Variants in RALYL observed in about 807,000 individuals in gnomAD.
RALYL encodes the protein RNA-binding Raly-like protein.
Under a neutral mutation model 35.1 loss-of-function variants are expected in RALYL, and 29 were observed. The observed-to-expected ratio is 0.83, with a 90% CI of 0.61 to 1.13. The LOEUF (loss-of-function observed/expected upper bound fraction) is 1.13. RALYL is among the 50% of genes most tolerant of loss of function. RALYL has a pLI of 0.00. For synonymous variants in RALYL, 120 were observed against 127.6 expected, an observed-to-expected ratio of 0.94 and a Z score of 0.40; for missense variants, 359 against 360.4, an observed-to-expected ratio of 1.00 and a Z score of 0.03.
At chr8:84,777,233 A>G (rs1037333296) in intron 3 of RALYL, among the ~76,000 whole-genome samples, 2 of 152,222 alleles carry the variant, frequency 1.3e-5, no homozygotes, top group Non-Finnish European at 2.9e-5. Context: ...CTTCACGTCT[A>G]GTATTCTCAC....
chr8:84,436,543 GTTTTTTTTTTTTTT>G (rs150233257), intron 1 of RALYL, among the ~76,000 whole-genome samples: 28 of 62,396 alleles, frequency 4.5e-4, no homozygotes, highest in Admixed American at 4.3e-3. Flanking sequence ...AATCATGGGA[GTTTTTTTTTTTTTT>G]TTTTTTTTTT....
At chr8:84,637,879 A>G (rs1825408543) in intron 2 of RALYL, among the ~76,000 whole-genome samples, 1 of 151,924 alleles carries the variant, frequency 6.6e-6, no homozygotes. Context: ...ATAAATGTGC[A>G]TGGTTTAAGG....
intron 1 of RALYL, among the ~76,000 whole-genome samples, chr8:84,485,583 C>A (rs978169333): frequency 1.3e-5 from 2 of 151,948 alleles, no homozygotes; most frequent in African/African-American, 4.8e-5. Context: ...TGCCTCAAAA[C>A]AAACAAAACA....
At chr8:84,184,704 G>T (rs1404423926) in intron 1 of RALYL, among the ~76,000 whole-genome samples, 1 of 151,968 alleles carries the variant, frequency 6.6e-6, no homozygotes, top group Non-Finnish European at 1.5e-5. Context: ...GGCGGGGCGG[G>T]TGGCGTCTGC....
At chr8:84,398,973 C>A (rs1359981930) in intron 1 of RALYL, among the ~76,000 whole-genome samples, 2 of 133,510 alleles carry the variant, frequency 1.5e-5, no homozygotes, top group East Asian at 2.2e-4. Flanking sequence ...GACTCTGTCT[C>A]AAAAAAAAAA....
At chr8:84,349,296 T>C (rs958076461) in intron 1 of RALYL, among the ~76,000 whole-genome samples, 2 of 150,490 alleles carry the variant, frequency 1.3e-5, no homozygotes, top group Non-Finnish European at 3.0e-5. Flanking sequence ...AGAAAAATGC[T>C]ATTGCACCTT....
At chr8:84,853,137 A>ATT (rs1256419894) in intron 5 of RALYL, among the ~76,000 whole-genome samples, 6 of 152,174 alleles carry the variant, frequency 3.9e-5, no homozygotes, top group African/African-American at 1.4e-4. Flanking sequence ...AGGAGCTAGG[A>ATT]ATAAATACCT....
At chr8:84,272,277 A>T (rs1410359065) in intron 1 of RALYL, among the ~76,000 whole-genome samples, 1 of 152,038 alleles carries the variant, frequency 6.6e-6, no homozygotes, top group African/African-American at 2.4e-5. Flanking sequence ...TATTTTTAGT[A>T]GAGATGGGGT....
intron 1 of RALYL, among the ~76,000 whole-genome samples, chr8:84,394,257 A>G (rs1214427495): frequency 6.6e-6 from 1 of 152,142 alleles, no homozygotes; most frequent in Non-Finnish European, 1.5e-5. Flanking sequence ...TCCATGCAAA[A>G]GGAATCAAGA....
chr8:84,569,044 T>C (rs1387965162), intron 2 of RALYL, among the ~76,000 whole-genome samples: 1 of 149,378 alleles, frequency 6.7e-6, no homozygotes, highest in African/African-American at 2.5e-5. Flanking sequence ...AGAAGCTCTT[T>C]AGTTTAATTA....
At chr8:84,478,063 G>A (rs2053622013) in intron 1 of RALYL, among the ~76,000 whole-genome samples, 1 of 151,952 alleles carries the variant, frequency 6.6e-6, no homozygotes, top group African/African-American at 2.4e-5. Context: ...TAAGACTCCT[G>A]TCTCATTTCT....
intron 1 of RALYL, among the ~76,000 whole-genome samples, chr8:84,295,700 A>G (rs1425187505): frequency 6.6e-6 from 1 of 152,106 alleles, no homozygotes; most frequent in Non-Finnish European, 1.5e-5. Flanking sequence ...CCCTTAGATA[A>G]CACTGTCCTG....
intron 2 of RALYL, among the ~76,000 whole-genome samples, chr8:84,759,556 T>C (rs1174261138): frequency 6.6e-6 from 1 of 152,160 alleles, no homozygotes. Flanking sequence ...TACCTTAAAG[T>C]AGGAGAAAGT....
intron 2 of RALYL, among the ~76,000 whole-genome samples, chr8:84,729,748 A>G (rs1383709115): frequency 2.6e-5 from 4 of 152,074 alleles, no homozygotes; most frequent in Non-Finnish European, 5.9e-5. Context: ...AGAGAATACT[A>G]CAAACACCTC....
rs369508357 is a variant in RALYL at position 84,224,506 on chromosome 8, C to T, written c.-24+40082C>T. ...GCTGGGGGCCAAGGGCCAGTGTTCTCTGTGCACAGAGAACACAGAGAATTT... is the reference window on the plus strand; with the variant it reads ...GCTGGGGGCCAAGGGCCAGTGTTCTTTGTGCACAGAGAACACAGAGAATTT... On this transcript the variant is annotated intron_variant, in intron 1 of 8. Transcript: ENST00000521268. 5.9e-5 allele frequency among the ~76,000 whole-genome samples: 9 copies of T among 152,224 alleles called. No homozygotes were observed. In the East Asian group the frequency reaches 1.7e-3, roughly 29 times the overall value.
At chr8:84,729,894 C>A (rs868695998) in intron 2 of RALYL, among the ~76,000 whole-genome samples, 2,564 of 152,054 alleles carry the variant, frequency 0.017, 71 homozygotes, top group African/African-American at 0.059. Context: ...AATAATCAAT[C>A]GCTTACCAAC....
At chr8:84,698,086 G>A (rs879692720) in intron 2 of RALYL, among the ~76,000 whole-genome samples, 1 of 152,004 alleles carries the variant, frequency 6.6e-6, no homozygotes, top group Non-Finnish European at 1.5e-5. Context: ...ATCATGAACT[G>A]GGTACAGTTT....
At position 84,887,760 on chromosome 8, in the gene RALYL, A is replaced by G. The variant is rs1490116622; in HGVS notation, c.842A>G (p.Asp281Gly). ...GGGATAGAGGAGGACTTCGATGAAG[A>G]TGGGGGTCATGAGCTGGTAGGAAAG... ...TDGIEEDFDE[D>G]GGHELFLQIK The change falls in exon 8 of 9, where the codon GAT (aspartate) becomes GGT (glycine). Residue 281 changes from aspartate to glycine, a missense_variant. Asp to Gly is a moderately conservative substitution (Grantham distance 94). Coordinates refer to ENST00000521268, the MANE Select transcript of RALYL (RefSeq NM_173848.7). 1 of 1,613,020 alleles carries G rather than the reference A, an allele frequency of 6.2e-7. No individual in the cohort carries two copies. The highest frequency in any genetic ancestry group is 2.2e-5 in the East Asian group (1 of 44,882).
At chr8:84,764,246 G>A (rs1331776708) in intron 2 of RALYL, among the ~76,000 whole-genome samples, 6 of 152,130 alleles carry the variant, frequency 3.9e-5, no homozygotes, top group African/African-American at 7.2e-5. Context: ...TATAGTTAGC[G>A]GCAGGTTTGC....
Sources: allele counts gnomAD v4.1 joint callset (sites outside exome capture counted in the v4.1 genomes callset), GRCh38; gene constraint gnomAD v4.1.1; transcripts MANE v1.5; gene names NCBI Gene and HGNC (gene_info 2026-07-23, HGNC 2026-07-21).